Variants in LGMN observed in about 807,000 individuals in gnomAD.
LGMN encodes the protein asparaginyl endopeptidase.
Under a neutral mutation model 56.8 loss-of-function variants are expected in LGMN, and 36 were observed. That is an observed-to-expected ratio of 0.63 (90% CI 0.49 to 0.84). LGMN has a LOEUF of 0.84. Among genes scored for constraint, LGMN ranks in the 40% least tolerant of loss-of-function variants. The pLI is 0.00. For synonymous variants in LGMN, 199 were observed against 210.1 expected, an observed-to-expected ratio of 0.95 and a Z score of 0.46; for missense variants, 446 against 556.1, an observed-to-expected ratio of 0.80 and a Z score of 1.99.
chr14:92,730,772 G>A lies in LGMN; in HGVS notation c.138+1877C>T, dbSNP rs146345687. Among the ~76,000 whole-genome samples the A allele has an allele frequency of 5.3e-3, 808 of 151,784 alleles. 9 individuals carry two copies. Among genetic ancestry groups the A allele is most frequent in the African/African-American group, 0.019 (774 of 41,376 alleles). On this transcript the variant is annotated intron_variant, in intron 2 of 13. Transcript: ENST00000334869. ...CAGCCTGGCCAACATGGTGAAACCC[G>A]GCCTCTGCTAAAAATACAAAAATTA... is the stretch of plus-strand genomic sequence containing the variant.
At chr14:92,746,999 G>T (rs1360045816) in intron 1 of LGMN, among the ~76,000 whole-genome samples, 1 of 140,780 alleles carries the variant, frequency 7.1e-6, no homozygotes, top group Admixed American at 7.5e-5. Context: ...TAGCGCCACT[G>T]CACTCCAGCC....
intron 1 of LGMN, among the ~76,000 whole-genome samples, chr14:92,734,770 A>G (rs933686208): frequency 3.3e-5 from 5 of 152,236 alleles, no homozygotes; most frequent in African/African-American, 1.2e-4. Context: ...CTCCGCGATA[A>G]GAAGAAAAAT....
chr14:92,719,630 T>A (rs1890356985), intron 2 of LGMN, among the ~76,000 whole-genome samples: 1 of 152,228 alleles, frequency 6.6e-6, no homozygotes, highest in Non-Finnish European at 1.5e-5. Flanking sequence ...GAGAACTGAC[T>A]GAACACTCAA....
intron 2 of LGMN, among the ~76,000 whole-genome samples, chr14:92,722,891 C>G (rs1260605050): frequency 6.6e-6 from 1 of 152,190 alleles, no homozygotes; most frequent in Non-Finnish European, 1.5e-5. Flanking sequence ...CCACACTGAG[C>G]TGCCACTTCA....
chr14:92,720,333 G>A (rs1176284773), intron 2 of LGMN, among the ~76,000 whole-genome samples: 1 of 152,198 alleles, frequency 6.6e-6, no homozygotes, highest in African/African-American at 2.4e-5. Flanking sequence ...CTTTGGAGGT[G>A]AGGTGACCTG....
intron 11 of LGMN, among the ~76,000 whole-genome samples, chr14:92,707,893 TG>T (rs1889525775): frequency 6.6e-6 from 1 of 152,196 alleles, no homozygotes; most frequent in Non-Finnish European, 1.5e-5. Context: ...GCCTCACGCC[TG>T]TAATCCCAGA....
At position 92,711,891 on chromosome 14, in the gene LGMN, C is replaced by A. The variant is rs1214464656; in HGVS notation, c.675G>T (p.Arg225Ser). ...SSYACYYDEK[R>S]STYLGDWYSV... The stretch of plus-strand genomic sequence containing the variant: ...TGTACCAGTCCCCCAGGTACGTGGA[C>A]CTCTTCTCATCATAGTAACAGGCGT... The change falls in exon 9 of 14, where the codon AGG (arginine) becomes AGT (serine). Residue 225 changes from arginine to serine, a missense_variant. By Grantham distance (110) the Arg-to-Ser change is moderately radical (BLOSUM62 -1). Coordinates refer to ENST00000334869, the MANE Select transcript of LGMN (RefSeq NM_005606.7). 40 of 1,614,068 alleles carry A rather than the reference C, an allele frequency of 2.5e-5. No homozygotes were observed. Among genetic ancestry groups the A allele is most frequent in the Non-Finnish European group, 3.3e-5 (39 of 1,180,016 alleles).
intron 2 of LGMN, 131 bp downstream of exon 2, chr14:92,732,517 AC>A: frequency 1.0e-6 from 1 of 959,974 alleles, no homozygotes; most frequent in South Asian, 1.6e-5. Flanking sequence ...TCGCTAACAC[AC>A]CTATGTTACA....
At chr14:92,743,379 G>A (rs1007200048) in intron 1 of LGMN, among the ~76,000 whole-genome samples, 3 of 151,670 alleles carry the variant, frequency 2.0e-5, no homozygotes, top group Admixed American at 6.6e-5. Flanking sequence ...GGCGGGCACC[G>A]ATAGTCCCAC....
chr14:92,745,814 G>C (rs1891788801), intron 1 of LGMN, among the ~76,000 whole-genome samples: 1 of 151,460 alleles, frequency 6.6e-6, no homozygotes, highest in South Asian at 2.1e-4. Flanking sequence ...CCATAGTGAA[G>C]GAGAATCTCA....
intron 12 of LGMN, 126 bp from the exon 13 acceptor site, chr14:92,704,833 T>C: frequency 1.4e-6 from 1 of 735,672 alleles, no homozygotes; most frequent in South Asian, 1.5e-5. Context: ...TCATGGATCC[T>C]TTCCCAACCT....
intron 2 of LGMN, among the ~76,000 whole-genome samples, chr14:92,730,853 T>C (rs973697738): frequency 2.0e-5 from 3 of 151,494 alleles, no homozygotes; most frequent in African/African-American, 7.3e-5. Flanking sequence ...TAGCTTGAAC[T>C]TGGGAGGTGG....
chr14:92,708,184 G>C (rs1243836112), intron 11 of LGMN, among the ~76,000 whole-genome samples: 1 of 151,212 alleles, frequency 6.6e-6, no homozygotes, highest in Non-Finnish European at 1.5e-5. Context: ...AAAAACCTCT[G>C]GTTCACTTTC....
At chr14:92,738,567 C>T (rs867487294) in intron 1 of LGMN, among the ~76,000 whole-genome samples, 70 of 151,534 alleles carry the variant, frequency 4.6e-4, no homozygotes, top group Non-Finnish European at 7.2e-4. Context: ...CGTGAGCCAC[C>T]GCGCCCAGCC....
intron 2 of LGMN, among the ~76,000 whole-genome samples, chr14:92,731,940 G>A (rs145109283): frequency 1.2e-3 from 186 of 152,324 alleles, no homozygotes; most frequent in Non-Finnish European, 2.2e-3. Context: ...TGGACACTCC[G>A]ATGTGGCTTC....
intron 1 of LGMN, among the ~76,000 whole-genome samples, chr14:92,744,589 C>T (rs1441380146): frequency 2.7e-5 from 4 of 147,464 alleles, no homozygotes; most frequent in Non-Finnish European, 4.5e-5. Context: ...GGAAATTATC[C>T]TTTAGTTTTT....
chr14:92,730,458 C>G (rs995897164), intron 2 of LGMN, among the ~76,000 whole-genome samples: 11 of 152,238 alleles, frequency 7.2e-5, no homozygotes, highest in African/African-American at 2.6e-4. Flanking sequence ...CTCTGCTACC[C>G]AAGCTGGAGC....
intron 1 of LGMN, among the ~76,000 whole-genome samples, chr14:92,734,973 T>A (rs951031208): frequency 2.0e-5 from 3 of 152,194 alleles, no homozygotes; most frequent in Admixed American, 6.5e-5. Context: ...AAAGCCTGTG[T>A]CTTCATGGAG....
intron 2 of LGMN, among the ~76,000 whole-genome samples, chr14:92,724,743 T>C (rs1264602574): frequency 6.6e-6 from 1 of 152,234 alleles, no homozygotes; most frequent in Non-Finnish European, 1.5e-5. Context: ...CCTCCCGTGA[T>C]TTGCCGATAG....
Sources: gnomAD v4.1 joint callset for allele counts (sites outside exome capture counted in the v4.1 genomes callset) on GRCh38, gnomAD v4.1.1 for gene constraint, MANE v1.5 for transcripts, NCBI Gene and HGNC (gene_info 2026-07-23, HGNC 2026-07-21) for gene names.